The following HACL1 variants were observed in gnomAD, a reference collection of about 807,000 sequenced individuals.
HACL1 encodes 1600020H07Rik.
HACL1 carries 64 observed loss-of-function variants against 74.2 expected under a neutral mutation model. That is an observed-to-expected ratio of 0.86 (90% CI 0.70 to 1.06). The LOEUF (loss-of-function observed/expected upper bound fraction) is 1.06, where lower values mean the gene tolerates loss of function less well. Among genes scored for constraint, HACL1 ranks in the 50% least tolerant of loss-of-function variants. The probability of loss-of-function intolerance (pLI) is 0.00; values close to 1 mark genes in which losing one functional copy is unlikely to be tolerated. For missense variants in HACL1, 728 were observed against 719.7 expected, an observed-to-expected ratio of 1.01 and a Z score of -0.13; for synonymous variants, 230 against 238.8, an observed-to-expected ratio of 0.96 and a Z score of 0.34.
chr3:15,568,059 T>C, intron 13 of HACL1, 57 bp from the exon 14 acceptor site: 1 of 1,457,166 alleles, frequency 6.9e-7, no homozygotes, highest in African/African-American at 1.4e-5. Context: ...GAGGATGGGA[T>C]TGGCACAAAC....
rs1414091685 is a variant in HACL1, at chr3:15,601,538, C to G, written c.-75G>C. The G allele has an allele frequency of 6.2e-7, 1 of 1,605,574 alleles. No individual in the cohort carries two copies. Among genetic ancestry groups the G allele is most frequent in the Admixed American group, 1.7e-5 (1 of 59,896 alleles). On this transcript the variant is annotated 5_prime_UTR_variant, in exon 1 of 17. Transcript: ENST00000321169. The stretch of plus-strand genomic sequence containing the variant: ...TCATCCAGCAAGGCAAACGCGAAAT[C>G]GGCAGCACGCCACCTCTGGTACTGC...
intron 7 of HACL1, among the ~76,000 whole-genome samples, chr3:15,584,501 T>A (rs1310195434): frequency 6.6e-6 from 1 of 152,036 alleles, no homozygotes; most frequent in Non-Finnish European, 1.5e-5. Context: ...GGCAGGAGAA[T>A]CGCTTGAACC....
chr3:15,588,624 C>CA (rs527468496), intron 5 of HACL1, among the ~76,000 whole-genome samples: 35 of 151,934 alleles, frequency 2.3e-4, no homozygotes, highest in Non-Finnish European at 3.2e-4. Context: ...GAAAGAAAGA[C>CA]AGAGATAAGA....
chr3:15,599,228 A>G (rs1343578564), intron 2 of HACL1, among the ~76,000 whole-genome samples: 2 of 152,242 alleles, frequency 1.3e-5, no homozygotes, highest in African/African-American at 2.4e-5. Context: ...GCCAGGAACT[A>G]TCATTCATCT....
rs1288781676 is a variant in HACL1 at position 15,564,565 on chromosome 3, T to G, written c.1503A>C (p.Gln501His). 2.7e-6 allele frequency: 4 copies of G among 1,458,126 alleles called. No homozygotes were observed. The highest frequency in any genetic ancestry group is 2.9e-6 in the Non-Finnish European group (3 of 1,044,064). The allele number at this position is 1,458,126 out of a possible 1,614,324, so 90.3% of individuals were successfully genotyped here. A position where few individuals can be genotyped will look rare whatever the true frequency, so the allele number is the denominator to read the frequency against. ...TDTWKEMLKF[Q>H]DATAVVPPMC... ...TGGTTACTTACACTGCAGTAGCATCTTGAAATTTTAACATTTCTTTCCAAG... is the reference window on the plus strand; with the variant it reads ...TGGTTACTTACACTGCAGTAGCATCGTGAAATTTTAACATTTCTTTCCAAG... The change falls in exon 15 of 17, where the codon CAA becomes CAC. Residue 501 changes from glutamine to histidine, a missense_variant. Physicochemically the swap from Gln to His is conservative, Grantham distance 24. Coordinates refer to ENST00000321169, the MANE Select transcript of HACL1 (RefSeq NM_012260.4).
intron 10 of HACL1, 41 bp from the exon 11 acceptor site, chr3:15,573,283 C>A: frequency 1.7e-6 from 2 of 1,188,688 alleles, no homozygotes; most frequent in South Asian, 1.2e-5. Flanking sequence ...CATGTTTATT[C>A]TGAAAAATAT....
intron 8 of HACL1, among the ~76,000 whole-genome samples, chr3:15,582,184 TATAATAA>T (rs1484034464): frequency 6.6e-6 from 1 of 152,214 alleles, no homozygotes; most frequent in East Asian, 1.9e-4. Context: ...AAATGGATAC[TATAATAA>T]ATTGCTGACA....
At position 15,598,584 on chromosome 3, in the gene HACL1, A is replaced by C. The variant is rs373071562; in HGVS notation, c.187-2160T>G. Among the ~76,000 whole-genome samples the C allele has an allele frequency of 5.3e-5, 8 of 152,340 alleles. No individual in the cohort carries two copies. In the East Asian group the frequency reaches 1.2e-3, roughly 22 times the overall value. On this transcript the variant is annotated intron_variant, in intron 2 of 16. Coordinates refer to ENST00000321169, the MANE Select transcript of HACL1 (RefSeq NM_012260.4). ...GTGTAAAACACTCAAAATAGTGCCC[A>C]CACACAGTAAGCTCTCAAGAACAAT...
rs768995983 is a variant in HACL1 at position 15,568,414 on chromosome 3, CTTCTTTAG to C, written c.1250+10_1250+17del. The C allele has an allele frequency of 1.9e-5, 28 of 1,486,366 alleles. No individual in the cohort carries two copies. The highest frequency in any genetic ancestry group is 1.8e-4 in the Middle Eastern group (1 of 5,628). 92.1% of individuals were successfully genotyped at this position (1,486,366 alleles called of 1,614,324 possible). A position where few individuals can be genotyped will look rare whatever the true frequency, so the allele number is the denominator to read the frequency against. ...CATTATAATGAATTACGACTTCTTTCTTCTTTAGAAGTCTTACCTGTGACGAGGAAGGT... is the reference window on the plus strand; with the variant it reads ...CATTATAATGAATTACGACTTCTTTCAAGTCTTACCTGTGACGAGGAAGGT... On this transcript the variant is annotated intron_variant, in intron 13 of 16. Transcript: ENST00000321169.
intron 5 of HACL1, among the ~76,000 whole-genome samples, chr3:15,586,840 A>G (rs1165898746): frequency 1.3e-5 from 2 of 152,168 alleles, no homozygotes; most frequent in African/African-American, 4.8e-5. Flanking sequence ...AAAGTCTGAT[A>G]ATACCCACCA....
chr3:15,569,154 C>T (rs965299701), intron 12 of HACL1, among the ~76,000 whole-genome samples: 1 of 152,248 alleles, frequency 6.6e-6, no homozygotes, highest in African/African-American at 2.4e-5. Flanking sequence ...TTTGTCTAGC[C>T]ACATGCCTTT....
At chr3:15,575,337 T>G (rs75097977) in intron 9 of HACL1, among the ~76,000 whole-genome samples, 19,043 of 152,088 alleles carry the variant, frequency 0.13, 1,240 homozygotes, top group East Asian at 0.17. Flanking sequence ...TACTTTTTTA[T>G]AATTAGAAAA....
intron 9 of HACL1, among the ~76,000 whole-genome samples, chr3:15,578,392 A>T (rs188413720): frequency 6.6e-6 from 1 of 152,308 alleles, no homozygotes; most frequent in East Asian, 1.9e-4. Context: ...TTAAAAATCT[A>T]AAAAGAGGAA....
chr3:15,594,696 G>A lies in HACL1; in HGVS notation c.227+1688C>T, dbSNP rs114654836. 7.1e-3 allele frequency among the ~76,000 whole-genome samples: 1,084 copies of A among 152,274 alleles called. 12 individuals carry two copies. The highest frequency in any genetic ancestry group is 0.024 in the African/African-American group (1,018 of 41,554). The stretch of plus-strand genomic sequence containing the variant: ...ATGGTTACTGAGCACTTGAAATGTG[G>A]CTACTACAAACTGATAAACTATGAT... On this transcript the variant is annotated intron_variant, in intron 3 of 16. Coordinates refer to ENST00000321169, the MANE Select transcript of HACL1 (RefSeq NM_012260.4).
chr3:15,562,457 C>T (rs142568616), intron 16 of HACL1, among the ~76,000 whole-genome samples: 3 of 152,136 alleles, frequency 2.0e-5, no homozygotes, highest in Non-Finnish European at 4.4e-5. Flanking sequence ...ATTTTAGTGT[C>T]TAAATTAGTT....
At chr3:15,594,613 T>C (rs78022854) in intron 3 of HACL1, among the ~76,000 whole-genome samples, 2,754 of 152,320 alleles carry the variant, frequency 0.018, 205 homozygotes, top group Admixed American at 0.12. Context: ...CCAACAGAAC[T>C]TTGTATAGTA....
intron 15 of HACL1, among the ~76,000 whole-genome samples, chr3:15,564,240 G>GAAT (rs2125224481): frequency 6.6e-6 from 1 of 152,290 alleles, no homozygotes; most frequent in East Asian, 1.9e-4. Context: ...GGTGTAACAG[G>GAAT]AATCAGTAGT....
intron 2 of HACL1, among the ~76,000 whole-genome samples, chr3:15,599,212 C>T (rs2064129581): frequency 6.6e-6 from 1 of 152,214 alleles, no homozygotes; most frequent in South Asian, 2.1e-4. Context: ...CTGTAAGCCC[C>T]TTAAAGCCAG....
chr3:15,565,688 T>C (rs1259581501), intron 14 of HACL1, among the ~76,000 whole-genome samples: 3 of 152,172 alleles, frequency 2.0e-5, no homozygotes, highest in Non-Finnish European at 2.9e-5. Context: ...TCAAAAGGAG[T>C]CATTATCCAC....
Sources: gnomAD v4.1 joint callset for allele counts (sites outside exome capture counted in the v4.1 genomes callset) on GRCh38, gnomAD v4.1.1 for gene constraint, MANE v1.5 for transcripts, NCBI Gene and HGNC (gene_info 2026-07-23, HGNC 2026-07-21) for gene names.